Variants in ME2 observed in about 807,000 individuals in gnomAD.
The protein encoded by ME2 is malic enzyme 2, also known as NAD-dependent malic enzyme, mitochondrial.
In ME2, 60 loss-of-function variants were observed where a neutral mutation model predicts 73.7. That is an observed-to-expected ratio of 0.81 (90% CI 0.66 to 1.01). The LOEUF is 1.01. Ranked by LOEUF, ME2 falls within the 50% of genes least tolerant of loss-of-function variation. The probability of loss-of-function intolerance (pLI) is 0.00; values close to 1 mark genes in which losing one functional copy is unlikely to be tolerated. For missense variants in ME2, 594 were observed against 705.5 expected (o/e 0.84, Z 1.79); for synonymous variants, 199 against 236.9 (o/e 0.84, Z 1.47).
chr18:50,883,636 G>C (rs1453006508), intron 1 of ME2, among the ~76,000 whole-genome samples: 2 of 152,184 alleles, frequency 1.3e-5, no homozygotes, highest in Non-Finnish European at 2.9e-5. Context: ...GCCGAGGCGG[G>C]CGGATCACCT....
intron 14 of ME2, 62 bp downstream of exon 14, chr18:50,939,702 AAATT>A: frequency 8.8e-7 from 1 of 1,139,828 alleles, no homozygotes; most frequent in East Asian, 2.4e-5. Flanking sequence ...GTAGATCTGA[AAATT>A]AAAGGCAGAG....
chr18:50,908,272 C>T lies in ME2; in HGVS notation c.242+76C>T, dbSNP rs1357205891. 2.9e-6 allele frequency: 3 copies of T among 1,039,264 alleles called. No individual in the cohort carries two copies. In the African/African-American group the frequency reaches 4.9e-5, roughly 17 times the overall value. The allele number at this position is 1,039,264 out of a possible 1,614,324, so 64.4% of individuals were successfully genotyped here. ...CTTATGAGCATTATGGTTATTATGGCATGAGAAATACACAATCTTATATAA... is the reference window on the plus strand; with the variant it reads ...CTTATGAGCATTATGGTTATTATGGTATGAGAAATACACAATCTTATATAA... On this transcript the variant is annotated intron_variant, in intron 3 of 15. Transcript: ENST00000321341.
intron 15 of ME2, among the ~76,000 whole-genome samples, chr18:50,942,408 GTTTTC>G (rs1917985520): frequency 6.6e-6 from 1 of 151,960 alleles, no homozygotes; most frequent in African/African-American, 2.4e-5. Context: ...CTTTTTCAGT[GTTTTC>G]TTGACTGTTC....
intron 2 of ME2, among the ~76,000 whole-genome samples, chr18:50,905,864 G>T (rs1917006552): frequency 6.6e-6 from 1 of 152,160 alleles, no homozygotes; most frequent in African/African-American, 2.4e-5. Context: ...TAATGCTGGA[G>T]GAGTATAGTG....
intron 1 of ME2, among the ~76,000 whole-genome samples, chr18:50,880,555 A>ACGG (rs1256819676): frequency 2.6e-5 from 4 of 152,202 alleles, no homozygotes; most frequent in South Asian, 2.1e-4. Context: ...TGGGAGGCCG[A>ACGG]CGTGGGTGGA....
At chr18:50,898,907 T>G (rs1205507384) in intron 2 of ME2, among the ~76,000 whole-genome samples, 1 of 152,228 alleles carries the variant, frequency 6.6e-6, no homozygotes, top group Non-Finnish European at 1.5e-5. Context: ...TTTGGAAACA[T>G]TTAAAGGGCT....
At chr18:50,911,832 C>T (rs1261016497) in intron 3 of ME2, among the ~76,000 whole-genome samples, 2 of 151,984 alleles carry the variant, frequency 1.3e-5, no homozygotes, top group Non-Finnish European at 2.9e-5. Flanking sequence ...TATTTGGAAG[C>T]GACTTAAGGA....
At position 50,950,989 on chromosome 18, in the gene ME2, T is replaced by C. The variant is rs1380160428; in HGVS notation, c.*3805T>C. 2.0e-5 allele frequency: 3 copies of C among 152,260 alleles called. No individual in the cohort carries two copies. Among genetic ancestry groups the C allele is most frequent in the Non-Finnish European group, 4.4e-5 (3 of 68,048 alleles). 9.4% of individuals were successfully genotyped at this position (152,260 alleles called of 1,614,324 possible). ...GAATAGTTTTCATCTAGTTTTATTA[T>C]GTTTTTACAGGCTGTTTACAAGAAC... On this transcript the variant is annotated 3_prime_UTR_variant, in exon 16 of 16. Transcript: ENST00000321341.
At chr18:50,914,095 C>T (rs1040425729) in intron 4 of ME2, among the ~76,000 whole-genome samples, 6 of 152,060 alleles carry the variant, frequency 3.9e-5, no homozygotes, top group Admixed American at 3.3e-4. Context: ...TTGATCTCTG[C>T]CAACTTTCCT....
intron 4 of ME2, among the ~76,000 whole-genome samples, chr18:50,914,446 A>G (rs1917238390): frequency 6.6e-6 from 1 of 152,230 alleles, no homozygotes. Flanking sequence ...GTATACCCAG[A>G]GTTGAGAACT....
chr18:50,941,671 G>A lies in ME2; in HGVS notation c.1587+1285G>A, dbSNP rs140859655. 2.7e-3 allele frequency among the ~76,000 whole-genome samples: 344 copies of A among 127,512 alleles called. 2 individuals carry two copies. Among genetic ancestry groups the A allele is most frequent in the African/African-American group, 0.011 (334 of 31,798 alleles). The allele number at this position is 127,512 out of a possible 152,430, so 83.7% of individuals were successfully genotyped here. On this transcript the variant is annotated intron_variant, in intron 15 of 15. Transcript: ENST00000321341. ...ATTACAGGCGTGAGCCACCACGCCC[G>A]GGCTGTGATGGTTTTTTTTTTTTTT...
intron 9 of ME2, 93 bp downstream of exon 9, chr18:50,920,851 G>A (rs1018066785): frequency 1.0e-5 from 10 of 973,738 alleles, no homozygotes; most frequent in Non-Finnish European, 1.5e-5. Flanking sequence ...AGAGCATAGT[G>A]AGCCTGTAAT....
chr18:50,911,814 C>T (rs184131888), intron 3 of ME2, among the ~76,000 whole-genome samples: 3 of 152,194 alleles, frequency 2.0e-5, no homozygotes, highest in East Asian at 1.9e-4. Flanking sequence ...CCTTATTTTA[C>T]GATGATTTAT....
intron 12 of ME2, among the ~76,000 whole-genome samples, chr18:50,930,164 G>T (rs1378165173): frequency 2.0e-5 from 3 of 152,126 alleles, no homozygotes; most frequent in Non-Finnish European, 4.4e-5. Context: ...GGAGGCTGAG[G>T]TGGGAGGATT....
chr18:50,887,149 T>C (rs1417989860), intron 1 of ME2, among the ~76,000 whole-genome samples: 1 of 152,094 alleles, frequency 6.6e-6, no homozygotes, highest in African/African-American at 2.4e-5. Flanking sequence ...GATGAGTAAA[T>C]AAGTATAATA....
At chr18:50,890,881 C>T (rs1203783615) in intron 1 of ME2, among the ~76,000 whole-genome samples, 1 of 152,196 alleles carries the variant, frequency 6.6e-6, no homozygotes, top group Non-Finnish European at 1.5e-5. Context: ...GACCCAACCC[C>T]TTCTAGCATG....
chr18:50,879,964 A>AT (rs1226181610), intron 1 of ME2, among the ~76,000 whole-genome samples: 1 of 152,106 alleles, frequency 6.6e-6, no homozygotes, highest in South Asian at 2.1e-4. Context: ...ATTCTAGAAA[A>AT]TTTACGTTGC....
intron 15 of ME2, among the ~76,000 whole-genome samples, chr18:50,942,889 T>C (rs2144272320): frequency 6.6e-6 from 1 of 152,298 alleles, no homozygotes; most frequent in South Asian, 2.1e-4. Context: ...TTAATATGCA[T>C]AGTCCGTTTT....
At chr18:50,880,793 T>C (rs1417624018) in intron 1 of ME2, among the ~76,000 whole-genome samples, 1 of 152,240 alleles carries the variant, frequency 6.6e-6, no homozygotes, top group African/African-American at 2.4e-5. Context: ...TTGAGAATAA[T>C]ATATTTATGC....
Sources: gnomAD v4.1 joint callset for allele counts (sites outside exome capture counted in the v4.1 genomes callset) on GRCh38, gnomAD v4.1.1 for gene constraint, MANE v1.5 for transcripts, NCBI Gene and HGNC (gene_info 2026-07-23, HGNC 2026-07-21) for gene names.